GRM7: variants seen among roughly 807,000 people sequenced by gnomAD.
GRM7 encodes metabotropic glutamate receptor 7.
A neutral mutation model predicts 84.5 loss-of-function variants in GRM7; 35 were observed. That is an observed-to-expected ratio of 0.41 (90% CI 0.32 to 0.55). GRM7 has a LOEUF of 0.55. Ranked by LOEUF, GRM7 falls within the 20% of genes least tolerant of loss-of-function variation. The pLI, the probability that GRM7 is intolerant of heterozygous loss-of-function variation, is 0.19. For synonymous variants in GRM7, 487 were observed against 455.1 expected, an observed-to-expected ratio of 1.07 and a Z score of -0.89; for missense variants, 1,003 against 1,194.6, an observed-to-expected ratio of 0.84 and a Z score of 2.36.
chr3:7,214,700 A>C (rs73126274), intron 2 of GRM7, among the ~76,000 whole-genome samples: 4 of 152,230 alleles, frequency 2.6e-5, no homozygotes, highest in African/African-American at 9.6e-5. Context: ...TTCCTGAGGC[A>C]GACTATAAGG....
In GRM7 at chr3:7,256,862, C is replaced by A. The variant is rs147828046; in HGVS notation, c.737-41822C>A. On this transcript the variant is annotated intron_variant, in intron 2 of 9. Coordinates refer to ENST00000357716, the MANE Select transcript of GRM7 (RefSeq NM_000844.4). Reference sequence around the variant, plus strand: ...TTCCAATAGAGACTGTTAAAAATTGCTGAGAGAACCTAAGATAAAGTGATT... The same window carrying A: ...TTCCAATAGAGACTGTTAAAAATTGATGAGAGAACCTAAGATAAAGTGATT... Among the ~76,000 whole-genome samples the A allele has an allele frequency of 5.9e-5, 9 of 152,236 alleles. No individual in the cohort carries two copies. The East Asian group carries it at 1.4e-3, about 23-fold the overall frequency.
chr3:7,707,855 T>C (rs775864120), intron 9 of GRM7, among the ~76,000 whole-genome samples: 5 of 152,148 alleles, frequency 3.3e-5, no homozygotes, highest in African/African-American at 4.8e-5. Context: ...TTTGCCCCAT[T>C]TGCCATTTAA....
chr3:7,502,719 A>G (rs568892691), intron 7 of GRM7, among the ~76,000 whole-genome samples: 6 of 152,184 alleles, frequency 3.9e-5, no homozygotes, highest in Admixed American at 1.3e-4. Flanking sequence ...TAATTTGGCA[A>G]TTAACCAGCA....
At chr3:7,602,285 C>G (rs996001878) in intron 8 of GRM7, among the ~76,000 whole-genome samples, 2 of 152,022 alleles carry the variant, frequency 1.3e-5, no homozygotes, top group Admixed American at 6.6e-5. Flanking sequence ...CCATCCCTCC[C>G]CTAGTCAGGT....
At position 7,576,110 on chromosome 3, in the gene GRM7, A is replaced by G. The variant is rs541280079; in HGVS notation, c.1516-2312A>G. ...TTCATCTTTCCTGGTAGCCATGAGT[A>G]AGACCTTTTATTCTGATGTTTGAAA... On this transcript the variant is annotated intron_variant, in intron 7 of 9. Coordinates refer to ENST00000357716, the MANE Select transcript of GRM7 (RefSeq NM_000844.4). Among the ~76,000 whole-genome samples, 32 of 152,222 alleles carry G rather than the reference A, an allele frequency of 2.1e-4. No individual in the cohort carries two copies. The South Asian group carries it at 2.3e-3, about 11-fold the overall frequency.
intron 1 of GRM7, among the ~76,000 whole-genome samples, chr3:6,983,661 G>T (rs1248135028): frequency 6.6e-6 from 1 of 152,030 alleles, no homozygotes; most frequent in Non-Finnish European, 1.5e-5. Context: ...AGATATTTTT[G>T]TTTTCTGGCT....
At position 6,861,506 on chromosome 3, in the gene GRM7, C is replaced by T; in HGVS notation, c.118C>T (p.Pro40Ser). The T allele has an allele frequency of 1.3e-6, 2 of 1,579,158 alleles. No homozygotes were observed. The highest frequency in any genetic ancestry group is 8.6e-7 in the Non-Finnish European group (1 of 1,164,388). ...GGCGCGCGGCCAGGAGATGTACGCCCCGCACTCAATCCGGATCGAGGGGGA... is the reference window on the plus strand; with the variant it reads ...GGCGCGCGGCCAGGAGATGTACGCCTCGCACTCAATCCGGATCGAGGGGGA... ...AAARGQEMYA[P>S]HSIRIEGDVT... Residue 40 changes from proline to serine, a missense_variant, in exon 1 of 10, where the codon CCG (proline) becomes TCG (serine). Transcript: ENST00000357716. This position sits in a 1 kb window ranked among gnomAD's most constrained non-coding sequence, Gnocchi z 6.4.
At chr3:7,008,365 G>A (rs1154364) in intron 1 of GRM7, among the ~76,000 whole-genome samples, 134,975 of 152,168 alleles carry the variant, frequency 0.89, 61,868 homozygotes, top group Non-Finnish European at 0.99. Flanking sequence ...AAATTATTTG[G>A]CATTCAAATC....
intron 4 of GRM7, among the ~76,000 whole-genome samples, chr3:7,385,361 C>T (rs1338759194): frequency 1.3e-4 from 16 of 125,142 alleles, no homozygotes; most frequent in African/African-American, 3.9e-4. Flanking sequence ...AGTGCAGTGG[C>T]GTGATCTTGG....
intron 2 of GRM7, among the ~76,000 whole-genome samples, chr3:7,179,138 G>A (rs1559487407): frequency 6.6e-6 from 1 of 151,550 alleles, no homozygotes. Flanking sequence ...TGGTACTCTA[G>A]AAACAAACAT....
intron 1 of GRM7, among the ~76,000 whole-genome samples, chr3:7,100,479 T>C (rs1699071674): frequency 6.6e-6 from 1 of 151,830 alleles, no homozygotes; most frequent in Admixed American, 6.6e-5. Context: ...TAGTTTTTCA[T>C]AGGCAAAAAT....
At chr3:7,440,127 C>T (rs946839936) in intron 5 of GRM7, among the ~76,000 whole-genome samples, 31 of 152,238 alleles carry the variant, frequency 2.0e-4, no homozygotes, top group Admixed American at 2.0e-3. Flanking sequence ...ATCAGAGAGG[C>T]TTGTCCAGTG....
intron 4 of GRM7, among the ~76,000 whole-genome samples, chr3:7,313,155 C>T (rs1240762569): frequency 6.6e-6 from 1 of 152,064 alleles, no homozygotes; most frequent in Non-Finnish European, 1.5e-5. Context: ...TCTCAAACTC[C>T]TGACCTCAGG....
At chr3:7,611,992 A>T (rs1049336916) in intron 8 of GRM7, among the ~76,000 whole-genome samples, 1 of 152,196 alleles carries the variant, frequency 6.6e-6, no homozygotes, top group African/African-American at 2.4e-5. Context: ...CAGAATTTTG[A>T]TTCTGACTTT....
intron 2 of GRM7, among the ~76,000 whole-genome samples, chr3:7,265,772 C>T (rs531129811): frequency 1.6e-4 from 25 of 152,318 alleles, no homozygotes; most frequent in African/African-American, 4.6e-4. Context: ...CAGTACAAAA[C>T]ATGACAGGCC....
rs777922381 is a variant in GRM7 at position 7,298,666 on chromosome 3, T to G, written c.737-18T>G. On this transcript the variant is annotated intron_variant, in intron 2 of 9. Coordinates refer to ENST00000357716, the MANE Select transcript of GRM7 (RefSeq NM_000844.4). ...CTGTGGAAACATTATTGACACTATG[T>G]TTTCTTCTCTTAAACAGGTGGACTC... is the stretch of plus-strand genomic sequence containing the variant. 11 of 1,609,726 alleles carry G rather than the reference T, an allele frequency of 6.8e-6. No homozygotes were observed. In the African/African-American group the frequency reaches 1.3e-4, roughly 20 times the overall value.
Position 7,515,306 on chromosome 3 carries a change from T to A in GRM7, c.1515+53584T>A, listed in dbSNP as rs574066684. Among the ~76,000 whole-genome samples, 15 of 152,276 alleles carry A rather than the reference T, an allele frequency of 9.9e-5. No homozygotes were observed. The South Asian group carries it at 2.1e-3, about 21-fold the overall frequency. Reference sequence around the variant, plus strand: ...TTTTGAGCCTGATAGTTTTTGTGTTTGAGGGAGGAAGGGAGACAGGTGCCC... The same window carrying A: ...TTTTGAGCCTGATAGTTTTTGTGTTAGAGGGAGGAAGGGAGACAGGTGCCC... On this transcript the variant is annotated intron_variant, in intron 7 of 9. Transcript: ENST00000357716.
chr3:7,279,721 C>G (rs569593894), intron 2 of GRM7, among the ~76,000 whole-genome samples: 1 of 152,140 alleles, frequency 6.6e-6, no homozygotes, highest in African/African-American at 2.4e-5. Context: ...CAGCTGAACT[C>G]TGTTTCTATG....
At chr3:7,203,108 T>C (rs1696121019) in intron 2 of GRM7, among the ~76,000 whole-genome samples, 1 of 152,190 alleles carries the variant, frequency 6.6e-6, no homozygotes, top group Non-Finnish European at 1.5e-5. Context: ...CAAAATATCA[T>C]TGCTAAGTAT....
Sources: gnomAD v4.1 joint callset for allele counts (sites outside exome capture counted in the v4.1 genomes callset) on GRCh38, gnomAD v4.1.1 for gene constraint, Gnocchi (gnomAD v3.1) non-coding constraint, MANE v1.5 for transcripts, NCBI Gene and HGNC (gene_info 2026-07-23, HGNC 2026-07-21) for gene names.